LRRTM4: variants seen among roughly 807,000 people sequenced by gnomAD.
LRRTM4 encodes the protein leucine-rich repeat transmembrane neuronal protein 4.
LRRTM4 carries 25 observed loss-of-function variants against 47.6 expected under a neutral mutation model. That is an observed-to-expected ratio of 0.53 (90% CI 0.38 to 0.73). The LOEUF (loss-of-function observed/expected upper bound fraction) is 0.73. LRRTM4 is among the 30% of genes least tolerant of loss of function. The pLI is 0.00. For missense variants in LRRTM4, 638 were observed against 713.4 expected (o/e 0.89, Z 1.20); for synonymous variants, 311 against 269.5 (o/e 1.15, Z -1.51).
At chr2:77,294,170 T>G (rs78989646) in intron 3 of LRRTM4, among the ~76,000 whole-genome samples, 4,773 of 152,178 alleles carry the variant, frequency 0.031, 256 homozygotes, top group African/African-American at 0.11. Context: ...TTTTGGATTT[T>G]TATTAAAGTA....
rs189015654 is a variant in LRRTM4, at chr2:77,074,141, C to T, written c.1552-325225G>A. On this transcript the variant is annotated intron_variant, in intron 3 of 3. Transcript: ENST00000409884. ...TTAAATGTCTTAATGGATATTTTAA[C>T]TGGCTCCAACTTCATCTGCATCTAT... Among the ~76,000 whole-genome samples, 793 of 152,226 alleles carry T rather than the reference C, an allele frequency of 5.2e-3. 4 individuals carry two copies. Among genetic ancestry groups the T allele is most frequent in the Middle Eastern group, 0.034 (10 of 294 alleles).
At chr2:77,030,156 G>A (rs917569015) in intron 3 of LRRTM4, among the ~76,000 whole-genome samples, 1 of 152,206 alleles carries the variant, frequency 6.6e-6, no homozygotes, top group African/African-American at 2.4e-5. Flanking sequence ...AAATAGGCCG[G>A]ACATGGTGGC....
At chr2:77,208,521 G>A (rs1004581555) in intron 3 of LRRTM4, among the ~76,000 whole-genome samples, 3 of 152,152 alleles carry the variant, frequency 2.0e-5, no homozygotes, top group Admixed American at 6.5e-5. Flanking sequence ...GAAGCCTGTG[G>A]GTGGAGGCTG....
intron 3 of LRRTM4, among the ~76,000 whole-genome samples, chr2:77,362,782 C>T (rs1292024422): frequency 6.6e-6 from 1 of 152,002 alleles, no homozygotes; most frequent in Non-Finnish European, 1.5e-5. Context: ...TAACTGAGTC[C>T]TTTTTTAAGT....
intron 3 of LRRTM4, among the ~76,000 whole-genome samples, chr2:77,400,731 T>C (rs567470057): frequency 1.6e-4 from 24 of 151,982 alleles, no homozygotes; most frequent in African/African-American, 5.8e-4. Flanking sequence ...CTCTCTCCTC[T>C]TAACACACTG....
intron 3 of LRRTM4, among the ~76,000 whole-genome samples, chr2:76,807,413 T>TACACACAC (rs1431422391): frequency 1.1e-5 from 1 of 95,032 alleles, no homozygotes; most frequent in African/African-American, 4.7e-5. Flanking sequence ...TATACGTATA[T>TACACACAC]ATATATATAT....
intron 3 of LRRTM4, among the ~76,000 whole-genome samples, chr2:76,997,461 T>C (rs1345488640): frequency 4.6e-5 from 7 of 152,078 alleles, no homozygotes; most frequent in Non-Finnish European, 5.9e-5. Context: ...TGAACACTGA[T>C]GAAATATGAA....
chr2:77,362,149 GAAAGAAAGAAAGA>G (rs1672254519), intron 3 of LRRTM4, among the ~76,000 whole-genome samples: 1 of 150,792 alleles, frequency 6.6e-6, no homozygotes, highest in African/African-American at 2.5e-5. Flanking sequence ...AAGAAAGAAA[GAAAGAAAGAAAGA>G]AAGAAAGAAA....
At chr2:77,368,777 T>TGTA (rs2103763577) in intron 3 of LRRTM4, among the ~76,000 whole-genome samples, 1 of 151,846 alleles carries the variant, frequency 6.6e-6, no homozygotes, top group South Asian at 2.1e-4. Flanking sequence ...ACGTATCGGC[T>TGTA]GTAGTGAATA....
intron 3 of LRRTM4, among the ~76,000 whole-genome samples, chr2:77,020,280 T>C (rs990111340): frequency 1.3e-5 from 2 of 152,136 alleles, no homozygotes; most frequent in African/African-American, 2.4e-5. Context: ...ATTCTCAAAG[T>C]AAGAAATGGC....
At chr2:77,269,928 A>G (rs1363201209) in intron 3 of LRRTM4, among the ~76,000 whole-genome samples, 1 of 152,232 alleles carries the variant, frequency 6.6e-6, no homozygotes, top group South Asian at 2.1e-4. Flanking sequence ...CCTGGTAACT[A>G]AGTAACATAG....
At chr2:77,160,995 T>A (rs1474381234) in intron 3 of LRRTM4, among the ~76,000 whole-genome samples, 1 of 152,190 alleles carries the variant, frequency 6.6e-6, no homozygotes, top group Non-Finnish European at 1.5e-5. Flanking sequence ...TTGTTTTTAC[T>A]TTTAAAGAAA....
At chr2:77,490,215 A>G (rs1469688006) in intron 3 of LRRTM4, among the ~76,000 whole-genome samples, 1 of 151,980 alleles carries the variant, frequency 6.6e-6, no homozygotes, top group African/African-American at 2.4e-5. Flanking sequence ...GCACCACTGC[A>G]CTCCAGCCTG....
At chr2:76,794,638 G>T (rs774446288) in intron 3 of LRRTM4, among the ~76,000 whole-genome samples, 1 of 152,042 alleles carries the variant, frequency 6.6e-6, no homozygotes, top group Non-Finnish European at 1.5e-5. Context: ...TGTTTTCCTA[G>T]TATTTACATT....
At chr2:77,256,668 G>A (rs1294418372) in intron 3 of LRRTM4, among the ~76,000 whole-genome samples, 1 of 152,100 alleles carries the variant, frequency 6.6e-6, no homozygotes, top group Non-Finnish European at 1.5e-5. Context: ...GAGGCCTCCC[G>A]GCCATGTGAA....
intron 3 of LRRTM4, among the ~76,000 whole-genome samples, chr2:77,135,636 T>G (rs1347145653): frequency 1.3e-5 from 2 of 152,316 alleles, no homozygotes; most frequent in Middle Eastern, 3.4e-3. Context: ...CTCATGAATG[T>G]GCCATGAACC....
At chr2:77,408,688 C>T (rs779662788) in intron 3 of LRRTM4, among the ~76,000 whole-genome samples, 3 of 152,138 alleles carry the variant, frequency 2.0e-5, no homozygotes, top group Admixed American at 2.0e-4. Context: ...CTCTGTCAAG[C>T]TCTGATTCCC....
rs568252082 is a variant in LRRTM4, at chr2:76,956,063, G to T, written c.1552-207147C>A. Among the ~76,000 whole-genome samples, 13 of 150,630 alleles carry T rather than the reference G, an allele frequency of 8.6e-5. No homozygotes were observed. The South Asian group carries it at 2.5e-3, about 29-fold the overall frequency. ...ATTCAAAGAATAATATTCAACTGTA[G>T]GCTGTCTAGAAGAGACTCATTTTAG... On this transcript the variant is annotated intron_variant, in intron 3 of 3. Transcript: ENST00000409884.
Position 77,519,784 on chromosome 2 carries a change from C to T in LRRTM4, c.85G>A (p.Gly29Ser). 1.9e-6 allele frequency: 3 copies of T among 1,613,086 alleles called. No individual in the cohort carries two copies. Among genetic ancestry groups the T allele is most frequent in the Non-Finnish European group, 1.7e-6 (2 of 1,179,490 alleles). Residue 29 changes from glycine (G) to serine (S), a missense_variant, in exon 3 of 4, where the codon GGT becomes AGT. Coordinates refer to ENST00000409884, the MANE Select transcript of LRRTM4 (RefSeq NM_001134745.3). This position sits in a 1 kb window ranked among gnomAD's most constrained non-coding sequence, Gnocchi z 4.6. ...TTCTTTGGGCAAGCTCTCTGAGCAC[C>T]CGTGAGCATAACAAGCAGCAGTGTA... ...LPTLLLVMLT[G>S]AQRACPKNCR...
Sources: allele counts gnomAD v4.1 joint callset (sites outside exome capture counted in the v4.1 genomes callset), GRCh38; gene constraint gnomAD v4.1.1; non-coding constraint Gnocchi (gnomAD v3.1); transcripts MANE v1.5; gene names NCBI Gene and HGNC (gene_info 2026-07-23, HGNC 2026-07-21).